FOXN3: variants seen among roughly 807,000 people sequenced by gnomAD.
FOXN3 encodes the protein forkhead box N3.
FOXN3 carries 7 observed loss-of-function variants against 38.4 expected under a neutral mutation model. The ratio of observed to expected loss-of-function variants is 0.18; its 90% CI spans 0.10 to 0.34. The LOEUF is 0.34. FOXN3 is among the 10% of genes least tolerant of loss of function. FOXN3 has a pLI of 1.00. For synonymous variants in FOXN3, 230 were observed against 242.2 expected (o/e 0.95, Z 0.47); for missense variants, 456 against 613.4 (o/e 0.74, Z 2.71).
intron 4 of FOXN3, among the ~76,000 whole-genome samples, chr14:89,209,904 A>G (rs1020215236): frequency 9.2e-5 from 14 of 152,262 alleles, no homozygotes; most frequent in Non-Finnish European, 1.9e-4. Flanking sequence ...GATGAACTTC[A>G]TTCCACCATT....
chr14:89,488,615 G>A (rs1349207339), intron 1 of FOXN3, among the ~76,000 whole-genome samples: 4 of 142,184 alleles, frequency 2.8e-5, no homozygotes, highest in Non-Finnish European at 4.6e-5. Context: ...TGGTGCCATT[G>A]CCCCATCTCA....
chr14:89,403,110 T>C (rs1303666805), intron 2 of FOXN3, among the ~76,000 whole-genome samples: 1 of 152,254 alleles, frequency 6.6e-6, no homozygotes, highest in Non-Finnish European at 1.5e-5. Flanking sequence ...GGTAACTTAT[T>C]CTTTTTTATT....
At chr14:89,265,908 T>G (rs1885965970) in intron 4 of FOXN3, among the ~76,000 whole-genome samples, 1 of 152,190 alleles carries the variant, frequency 6.6e-6, no homozygotes, top group South Asian at 2.1e-4. Flanking sequence ...TCACGTTCCC[T>G]GGTAGGGTGG....
intron 1 of FOXN3, among the ~76,000 whole-genome samples, chr14:89,460,836 C>G (rs1362761774): frequency 6.8e-6 from 1 of 146,580 alleles, no homozygotes; most frequent in Non-Finnish European, 1.5e-5. Context: ...TCGAGACCAG[C>G]CTGACCAACA....
chr14:89,555,838 G>GGTGTGTTTGTGTGTGTGT (rs1895104295), intron 1 of FOXN3, among the ~76,000 whole-genome samples: 1 of 89,620 alleles, frequency 1.1e-5, no homozygotes, highest in African/African-American at 3.0e-5. Context: ...TCTAGTTCAT[G>GGTGTGTTTGTGTGTGTGT]GTGTGTGTGT....
intron 2 of FOXN3, among the ~76,000 whole-genome samples, chr14:89,371,421 A>C (rs1890316328): frequency 6.6e-6 from 1 of 151,968 alleles, no homozygotes; most frequent in Non-Finnish European, 1.5e-5. Context: ...ACCAACCAAC[A>C]ATCCAAGAAA....
chr14:89,385,830 G>A (rs765456658), intron 2 of FOXN3, among the ~76,000 whole-genome samples: 11 of 152,162 alleles, frequency 7.2e-5, no homozygotes, highest in East Asian at 1.9e-4. Flanking sequence ...GTTGGCTAAC[G>A]TTCTCTCAGG....
chr14:89,176,469 G>T (rs1887521723), intron 5 of FOXN3, among the ~76,000 whole-genome samples: 1 of 152,184 alleles, frequency 6.6e-6, no homozygotes, highest in Non-Finnish European at 1.5e-5. Context: ...TCTTTAGTGG[G>T]TGCTAATGAC....
chr14:89,301,508 G>A (rs912516466), intron 3 of FOXN3, among the ~76,000 whole-genome samples: 5 of 150,968 alleles, frequency 3.3e-5, no homozygotes, highest in African/African-American at 1.2e-4. Context: ...GGTGGCTCAC[G>A]CCTGTAATCC....
At chr14:89,336,475 C>T (rs1310727522) in intron 3 of FOXN3, among the ~76,000 whole-genome samples, 5 of 152,202 alleles carry the variant, frequency 3.3e-5, no homozygotes, top group South Asian at 4.1e-4. Context: ...AATGTTTCTG[C>T]AGAAGACAGT....
chr14:89,578,345 T>C (rs1895675700), intron 1 of FOXN3, among the ~76,000 whole-genome samples: 1 of 152,204 alleles, frequency 6.6e-6, no homozygotes, highest in Non-Finnish European at 1.5e-5. Flanking sequence ...GACATTTTAG[T>C]GCTCAGGACT....
At chr14:89,513,059 G>T (rs775023926) in intron 1 of FOXN3, among the ~76,000 whole-genome samples, 1 of 146,374 alleles carries the variant, frequency 6.8e-6, no homozygotes, top group African/African-American at 2.5e-5. Flanking sequence ...AGAATTGCTT[G>T]AACTCGGGGG....
intron 1 of FOXN3, among the ~76,000 whole-genome samples, chr14:89,431,922 T>C (rs574726148): frequency 6.6e-6 from 1 of 150,818 alleles, no homozygotes; most frequent in African/African-American, 2.4e-5. Flanking sequence ...ACCATGTTGG[T>C]CAGGCTGGTC....
chr14:89,564,136 T>C (rs1473996151), intron 1 of FOXN3, among the ~76,000 whole-genome samples: 3 of 152,154 alleles, frequency 2.0e-5, no homozygotes, highest in Non-Finnish European at 4.4e-5. Flanking sequence ...ATTACAGGCA[T>C]GAGCCACCGT....
At chr14:89,374,290 A>AG (rs1555422444) in intron 2 of FOXN3, among the ~76,000 whole-genome samples, 12,633 of 125,112 alleles carry the variant, frequency 0.1, 1,684 homozygotes, top group South Asian at 0.24. Context: ...AAAAAAAAAA[A>AG]GAAGGAAGGA....
chr14:89,281,609 C>G (rs964123873), intron 3 of FOXN3, among the ~76,000 whole-genome samples: 2 of 152,136 alleles, frequency 1.3e-5, no homozygotes, highest in Non-Finnish European at 2.9e-5. Context: ...TTACCACCCA[C>G]AGTGTGGTAA....
intron 3 of FOXN3, among the ~76,000 whole-genome samples, chr14:89,302,642 G>A (rs888355081): frequency 2.6e-5 from 4 of 152,134 alleles, no homozygotes; most frequent in African/African-American, 9.7e-5. Flanking sequence ...GCCACACACC[G>A]CTGCCAAGGC....
At chr14:89,392,153 G>C (rs1281857461) in intron 2 of FOXN3, among the ~76,000 whole-genome samples, 1 of 152,164 alleles carries the variant, frequency 6.6e-6, no homozygotes, top group Non-Finnish European at 1.5e-5. Flanking sequence ...CATTAGGAGG[G>C]AGAGAAGTTC....
chr14:89,437,552 T>C (rs916187571), intron 1 of FOXN3, among the ~76,000 whole-genome samples: 1 of 152,192 alleles, frequency 6.6e-6, no homozygotes, highest in Non-Finnish European at 1.5e-5. Context: ...CTGGGCTGCA[T>C]TCCCAGACAG....
Sources: allele counts gnomAD v4.1 joint callset (sites outside exome capture counted in the v4.1 genomes callset), GRCh38; gene constraint gnomAD v4.1.1; transcripts MANE v1.5; gene names NCBI Gene and HGNC (gene_info 2026-07-23, HGNC 2026-07-21).